RNLS: variants seen among roughly 807,000 people sequenced by gnomAD.
The protein encoded by RNLS is renalase, FAD dependent amine oxidase.
In RNLS, 39 loss-of-function variants were observed where a neutral mutation model predicts 39.8. That is an observed-to-expected ratio of 0.98 (90% CI 0.76 to 1.28). The LOEUF (loss-of-function observed/expected upper bound fraction) is 1.28. Among genes scored for constraint, RNLS ranks in the 50% most tolerant of loss-of-function variants. The probability of loss-of-function intolerance (pLI) is 0.00; values close to 1 mark genes in which losing one functional copy is unlikely to be tolerated. For missense variants in RNLS, 410 were observed against 413.3 expected (o/e 0.99, Z 0.07); for synonymous variants, 147 against 150.7 (o/e 0.98, Z 0.18).
chr10:88,206,818 C>T, the RNLS span, among the ~76,000 whole-genome samples: 1 of 151,854 alleles, frequency 6.6e-6, no homozygotes, highest in African/African-American at 2.4e-5. Context: ...AAAAAGAAGG[C>T]CTTTTTTTTG....
chr10:88,557,744 G>T (rs183279657), intron 4 of RNLS, among the ~76,000 whole-genome samples: 3 of 152,170 alleles, frequency 2.0e-5, no homozygotes, highest in East Asian at 3.9e-4. Context: ...AGAGATTTCT[G>T]CCAGAAAGCT....
rs150156251 is a variant in RNLS at position 88,579,757 on chromosome 10, A to G, written c.367+1810T>C. The stretch of plus-strand genomic sequence containing the variant: ...AATAGTGTCACCATCTGTGATGGTC[A>G]ATTTTATGTGTCAACTTGACTTGGC... On this transcript the variant is annotated intron_variant, in intron 3 of 6. Transcript: ENST00000331772. Among the ~76,000 whole-genome samples the G allele has an allele frequency of 8.5e-3, 1,287 of 152,302 alleles. 46 individuals are homozygous for G. Among genetic ancestry groups the G allele is most frequent in the Admixed American group, 0.067 (1,023 of 15,288 alleles).
intron 6 of RNLS, among the ~76,000 whole-genome samples, chr10:88,301,805 T>C (rs970209354): frequency 4.6e-5 from 7 of 152,110 alleles, no homozygotes; most frequent in African/African-American, 1.4e-4. Context: ...TATTTACTTA[T>C]GTAAAACAGA....
downstream of RNLS, among the ~76,000 whole-genome samples, chr10:88,270,482 G>A (rs1046935133): frequency 6.6e-6 from 1 of 152,138 alleles, no homozygotes; most frequent in Non-Finnish European, 1.5e-5. Flanking sequence ...TCCTAAACTC[G>A]AAGTGGTGGC....
At chr10:88,492,988 G>C (rs1844970183) in intron 4 of RNLS, among the ~76,000 whole-genome samples, 1 of 152,060 alleles carries the variant, frequency 6.6e-6, no homozygotes. Context: ...AATTATTTAA[G>C]TATATCTATA....
the RNLS span, among the ~76,000 whole-genome samples, chr10:88,260,925 C>A: frequency 6.6e-6 from 1 of 152,110 alleles, no homozygotes; most frequent in African/African-American, 2.4e-5. Context: ...TTGCTTTCAG[C>A]AAAAGACAAA....
At chr10:88,198,271 A>G in the RNLS span, among the ~76,000 whole-genome samples, 2 of 152,350 alleles carry the variant, frequency 1.3e-5, no homozygotes, top group African/African-American at 4.8e-5. Flanking sequence ...AGAGCAGAGC[A>G]TAGGCTCGTG....
rs927438488 is a variant in RNLS at position 88,581,497 on chromosome 10, T to C, written c.367+70A>G. ...TATAATTTCCTGTATAGTATTAATA[T>C]GTAACTATGTGTGTAACTTGTTTTT... On this transcript the variant is annotated intron_variant, in intron 3 of 6. Coordinates refer to ENST00000331772, the MANE Select transcript of RNLS (RefSeq NM_001031709.3). 17 of 1,350,722 alleles carry C rather than the reference T, an allele frequency of 1.3e-5. No homozygotes were observed. In the Middle Eastern group the frequency reaches 5.6e-4, roughly 45 times the overall value. The allele number at this position is 1,350,722 out of a possible 1,614,324, so 83.7% of individuals were successfully genotyped here. A position where few individuals can be genotyped will look rare whatever the true frequency, so the allele number is the denominator to read the frequency against.
intron 4 of RNLS, among the ~76,000 whole-genome samples, chr10:88,405,015 G>A (rs1181147269): frequency 6.6e-6 from 1 of 152,000 alleles, no homozygotes; most frequent in African/African-American, 2.4e-5. Context: ...TATTACAGAA[G>A]AGAGAATTAT....
chr10:88,318,182 A>G (rs1439296591), intron 5 of RNLS, among the ~76,000 whole-genome samples: 3 of 152,140 alleles, frequency 2.0e-5, no homozygotes, highest in Admixed American at 1.3e-4. Context: ...ATTCCCCACA[A>G]ACATACCCCA....
At chr10:88,202,445 TA>T in the RNLS span, among the ~76,000 whole-genome samples, 710 of 149,864 alleles carry the variant, frequency 4.7e-3, 6 homozygotes, top group East Asian at 0.052. Flanking sequence ...ACTTAAAGTA[TA>T]AAAAAAAAAT....
At chr10:88,497,881 G>A (rs1845261990) in intron 4 of RNLS, among the ~76,000 whole-genome samples, 1 of 151,432 alleles carries the variant, frequency 6.6e-6, no homozygotes, top group Admixed American at 6.6e-5. Context: ...TATAATTTTG[G>A]GGAAAAAAAA....
rs747037653 is a variant in RNLS, at chr10:88,314,577, C to T, written c.765G>A (p.Leu255=). ...CTTGCACATCCTCAATGCTGTGTTCCAAGTATGTAACTCCAAATGGGACAG... is the reference window on the plus strand; with the variant it reads ...CTTGCACATCCTCAATGCTGTGTTCTAAGTATGTAACTCCAAATGGGACAG... ...HTTVPFGVTY[L]EHSIEDVQEL... The change falls in exon 6 of 7, where the codon TTG becomes TTA. Residue 255 remains leucine (L), a synonymous_variant. Transcript: ENST00000331772. 4.3e-6 allele frequency: 7 copies of T among 1,613,916 alleles called. No individual in the cohort carries two copies. In the South Asian group the frequency reaches 7.7e-5, roughly 18 times the overall value.
chr10:88,522,352 T>C (rs1846806127), intron 4 of RNLS, among the ~76,000 whole-genome samples: 1 of 152,038 alleles, frequency 6.6e-6, no homozygotes, highest in Non-Finnish European at 1.5e-5. Flanking sequence ...ATGACAATAA[T>C]ATTGTAGGAG....
chr10:88,575,700 T>C (rs1008861329), intron 3 of RNLS, among the ~76,000 whole-genome samples: 2 of 152,036 alleles, frequency 1.3e-5, no homozygotes, highest in Non-Finnish European at 2.9e-5. Flanking sequence ...AAAAACCCAA[T>C]TTTAAAATGG....
At chr10:88,571,146 C>A (rs1447288694) in intron 4 of RNLS, among the ~76,000 whole-genome samples, 1 of 151,752 alleles carries the variant, frequency 6.6e-6, no homozygotes, top group East Asian at 1.9e-4. Context: ...CTATGCTTTG[C>A]TACTTTATTT....
At chr10:88,563,142 C>T (rs966154166) in intron 4 of RNLS, among the ~76,000 whole-genome samples, 1 of 152,090 alleles carries the variant, frequency 6.6e-6, no homozygotes, top group Non-Finnish European at 1.5e-5. Context: ...TCTTCCTAAA[C>T]TAATGCAGTG....
In RNLS at chr10:88,508,842, G is replaced by A. The variant is rs542109130; in HGVS notation, c.526+64061C>T. ...AAAAAGAAACATTAGCACCAATAATGTCAAATATTCTCATCGTTAGCTTAA... is the reference window on the plus strand; with the variant it reads ...AAAAAGAAACATTAGCACCAATAATATCAAATATTCTCATCGTTAGCTTAA... On this transcript the variant is annotated intron_variant, in intron 4 of 6. Coordinates refer to ENST00000331772, the MANE Select transcript of RNLS (RefSeq NM_001031709.3). 1.1e-4 allele frequency among the ~76,000 whole-genome samples: 16 copies of A among 152,238 alleles called. No individual in the cohort carries two copies. The East Asian group carries it at 2.5e-3, about 24-fold the overall frequency.
At chr10:88,219,230 T>C in the RNLS span, among the ~76,000 whole-genome samples, 423 of 152,332 alleles carry the variant, frequency 2.8e-3, no homozygotes, top group Admixed American at 5.3e-3. Context: ...TCTTTGTTAT[T>C]TGAGTAAATC....
Sources: allele counts gnomAD v4.1 joint callset (sites outside exome capture counted in the v4.1 genomes callset), GRCh38; gene constraint gnomAD v4.1.1; transcripts MANE v1.5; gene names NCBI Gene and HGNC (gene_info 2026-07-23, HGNC 2026-07-21).